Variants in BRINP3 observed in about 807,000 individuals in gnomAD.
BRINP3 encodes the protein BMP/retinoic acid-inducible neural-specific protein 3.
In BRINP3, 19 loss-of-function variants were observed where a neutral mutation model predicts 71.0. The observed-to-expected ratio is 0.27, with a 90% confidence interval of 0.19 to 0.39. The LOEUF (loss-of-function observed/expected upper bound fraction) is 0.39. BRINP3 is among the 10% of genes least tolerant of loss of function. The pLI, the probability that BRINP3 is intolerant of heterozygous loss-of-function variation, is 1.00. For synonymous variants in BRINP3, 380 were observed against 337.7 expected, an observed-to-expected ratio of 1.13 and a Z score of -1.37; for missense variants, 959 against 940.8, an observed-to-expected ratio of 1.02 and a Z score of -0.25.
chr1:190,148,078 G>A (rs1571839796), intron 7 of BRINP3, among the ~76,000 whole-genome samples: 1 of 152,132 alleles, frequency 6.6e-6, no homozygotes, highest in African/African-American at 2.4e-5. Context: ...CTGAAATGGA[G>A]TAGCTAAAAA....
At chr1:190,395,041 A>G (rs1671481933) in intron 2 of BRINP3, among the ~76,000 whole-genome samples, 2 of 151,618 alleles carry the variant, frequency 1.3e-5, no homozygotes, top group South Asian at 4.1e-4. Flanking sequence ...AAATTAAAGT[A>G]GATTGTGATA....
intron 2 of BRINP3, among the ~76,000 whole-genome samples, chr1:190,389,318 C>G (rs1274992356): frequency 6.6e-6 from 1 of 151,698 alleles, no homozygotes; most frequent in Admixed American, 6.6e-5. Flanking sequence ...TTAGTAGAAT[C>G]CTAATTTGGA....
At chr1:190,345,874 A>G (rs866580857) in intron 2 of BRINP3, among the ~76,000 whole-genome samples, 57 of 152,022 alleles carry the variant, frequency 3.7e-4, no homozygotes, top group African/African-American at 1.3e-3. Context: ...TTCAGTCCTA[A>G]AATTGATTCC....
chr1:190,313,765 T>C lies in BRINP3; in HGVS notation c.237-32015A>G, dbSNP rs184436513. On this transcript the variant is annotated intron_variant, in intron 2 of 7. Transcript: ENST00000367462. Reference sequence around the variant, plus strand: ...CTAAGGTTTAAAGAAATAAATGAATTATACAGACATATAGCTATTAAGACA... The same window carrying C: ...CTAAGGTTTAAAGAAATAAATGAATCATACAGACATATAGCTATTAAGACA... Among the ~76,000 whole-genome samples, 3 of 152,160 alleles carry C rather than the reference T, an allele frequency of 2.0e-5. No individual in the cohort carries two copies. The East Asian group carries it at 5.8e-4, about 29-fold the overall frequency.
chr1:190,320,321 G>A (rs928618260), intron 2 of BRINP3, among the ~76,000 whole-genome samples: 2 of 151,978 alleles, frequency 1.3e-5, no homozygotes, highest in African/African-American at 4.8e-5. Flanking sequence ...AGTGAGTGAT[G>A]GTAGTTGTAA....
chr1:190,211,241 G>C (rs1002511042), intron 6 of BRINP3, among the ~76,000 whole-genome samples: 2 of 152,052 alleles, frequency 1.3e-5, no homozygotes, highest in African/African-American at 4.8e-5. Context: ...ACTCCATCCT[G>C]GGTGACAGAG....
In BRINP3 at chr1:190,162,278, C is replaced by T. The variant is rs1651065979; in HGVS notation, c.962-1388G>A. Reference sequence around the variant, plus strand: ...CCATCTCGGTTCACTGCAACCTCCACATCCAAGCAATTCTCCTGCCTCAGC... The same window carrying T: ...CCATCTCGGTTCACTGCAACCTCCATATCCAAGCAATTCTCCTGCCTCAGC... On this transcript the variant is annotated intron_variant, in intron 6 of 7. Transcript: ENST00000367462. Among the ~76,000 whole-genome samples, 4 of 151,286 alleles carry T rather than the reference C, an allele frequency of 2.6e-5. No homozygotes were observed. The South Asian group carries it at 8.3e-4, about 32-fold the overall frequency.
At chr1:190,433,935 A>G (rs1230767071) in intron 2 of BRINP3, among the ~76,000 whole-genome samples, 1 of 152,162 alleles carries the variant, frequency 6.6e-6, no homozygotes, top group Non-Finnish European at 1.5e-5. Flanking sequence ...AGCTACAGAA[A>G]GTTCTCTATT....
At chr1:190,413,882 T>C (rs1199608312) in intron 2 of BRINP3, among the ~76,000 whole-genome samples, 1 of 152,150 alleles carries the variant, frequency 6.6e-6, no homozygotes, top group Non-Finnish European at 1.5e-5. Flanking sequence ...TGTTCAAAAA[T>C]ACTTATAAAA....
At chr1:190,354,373 A>T (rs1313994085) in intron 2 of BRINP3, among the ~76,000 whole-genome samples, 2 of 151,932 alleles carry the variant, frequency 1.3e-5, no homozygotes, top group East Asian at 3.9e-4. Context: ...AGAATTATAC[A>T]GCCCAAAATG....
At chr1:190,193,984 G>T (rs1270267715) in intron 6 of BRINP3, among the ~76,000 whole-genome samples, 1 of 151,978 alleles carries the variant, frequency 6.6e-6, no homozygotes, top group Non-Finnish European at 1.5e-5. Context: ...CCCACCTTTT[G>T]TTTAAATGAC....
intron 4 of BRINP3, among the ~76,000 whole-genome samples, chr1:190,246,892 G>T (rs1437614433): frequency 6.6e-6 from 1 of 151,886 alleles, no homozygotes; most frequent in African/African-American, 2.4e-5. Flanking sequence ...AGGTAGATTT[G>T]TTCCTGAGTA....
chr1:190,103,643 C>A (rs1651889892), intron 7 of BRINP3, among the ~76,000 whole-genome samples: 1 of 151,928 alleles, frequency 6.6e-6, no homozygotes, highest in Non-Finnish European at 1.5e-5. Context: ...TACCAGCTAA[C>A]CATCAATATG....
chr1:190,185,136 A>G (rs1653398836), intron 6 of BRINP3, among the ~76,000 whole-genome samples: 1 of 152,176 alleles, frequency 6.6e-6, no homozygotes. Context: ...GCTTTTGCAC[A>G]GCAAAGGAAA....
At chr1:190,279,280 A>G in intron 3 of BRINP3, among the ~76,000 whole-genome samples, 1 of 151,618 alleles carries the variant, frequency 6.6e-6, no homozygotes, top group East Asian at 1.9e-4. Context: ...AATATTTTAT[A>G]TTTTTGGCTA....
chr1:190,367,096 G>A lies in BRINP3; in HGVS notation c.237-85346C>T, dbSNP rs543637269. ...TAGTGCCCCAGTGTGGACTCTGTGC[G>A]GGGGCTCCAACCTCACATTTCTCTT... On this transcript the variant is annotated intron_variant, in intron 2 of 7. Transcript: ENST00000367462. Among the ~76,000 whole-genome samples the A allele has an allele frequency of 3.7e-4, 56 of 152,262 alleles. 1 individual carries two copies. Among genetic ancestry groups the A allele is most frequent in the Middle Eastern group, 6.8e-3 (2 of 294 alleles).
At chr1:190,199,409 T>C (rs996582104) in intron 6 of BRINP3, among the ~76,000 whole-genome samples, 3 of 152,064 alleles carry the variant, frequency 2.0e-5, no homozygotes, top group Admixed American at 1.3e-4. Flanking sequence ...CACCACAAAA[T>C]CTGAATCTAA....
chr1:190,432,965 T>G lies in BRINP3; in HGVS notation c.236+21690A>C, dbSNP rs527696618. ...AATACATAGTTTATAAGATGTTTCA[T>G]AAACATATATCAATTATAGTGTTAA... On this transcript the variant is annotated intron_variant, in intron 2 of 7. Coordinates refer to ENST00000367462, the MANE Select transcript of BRINP3 (RefSeq NM_199051.3). Among the ~76,000 whole-genome samples the G allele has an allele frequency of 1.6e-4, 24 of 152,276 alleles. No individual in the cohort carries two copies. In the East Asian group the frequency reaches 4.6e-3, roughly 29 times the overall value.
At chr1:190,221,834 A>G (rs781563566) in intron 6 of BRINP3, among the ~76,000 whole-genome samples, 9 of 152,168 alleles carry the variant, frequency 5.9e-5, no homozygotes, top group Non-Finnish European at 1.0e-4. Flanking sequence ...ATATAAAATG[A>G]TAAAGGGGTC....
Sources: allele counts gnomAD v4.1 joint callset (sites outside exome capture counted in the v4.1 genomes callset), GRCh38; gene constraint gnomAD v4.1.1; transcripts MANE v1.5; gene names NCBI Gene and HGNC (gene_info 2026-07-23, HGNC 2026-07-21).